ZMAT4: variants seen among roughly 807,000 people sequenced by gnomAD.
ZMAT4 encodes zinc finger matrin-type protein 4.
ZMAT4 carries 17 observed loss-of-function variants against 28.7 expected under a neutral mutation model. That is an observed-to-expected ratio of 0.59 (90% CI 0.41 to 0.89). The LOEUF is 0.89. Ranked by LOEUF, ZMAT4 falls within the 40% of genes least tolerant of loss-of-function variation. The pLI is 0.00. For missense variants in ZMAT4, 240 were observed against 283.8 expected, an observed-to-expected ratio of 0.85 and a Z score of 1.11; for synonymous variants, 117 against 109.2, an observed-to-expected ratio of 1.07 and a Z score of -0.44.
chr8:40,726,982 C>T (rs1249785320), intron 3 of ZMAT4, among the ~76,000 whole-genome samples: 2 of 152,158 alleles, frequency 1.3e-5, no homozygotes, highest in Non-Finnish European at 2.9e-5. Flanking sequence ...TAAAACCACC[C>T]TAAGTCATCG....
At chr8:40,869,490 T>A (rs1479303676) in intron 1 of ZMAT4, among the ~76,000 whole-genome samples, 10 of 152,228 alleles carry the variant, frequency 6.6e-5, no homozygotes, top group Admixed American at 6.5e-4. Context: ...CTAACACATG[T>A]AATTTCTCTC....
At chr8:40,889,256 A>G (rs1027016937) in intron 1 of ZMAT4, among the ~76,000 whole-genome samples, 4 of 152,256 alleles carry the variant, frequency 2.6e-5, no homozygotes, top group Non-Finnish European at 5.9e-5. Flanking sequence ...TGGCTGCAGC[A>G]GAGGTCCAGC....
intron 2 of ZMAT4, among the ~76,000 whole-genome samples, chr8:40,797,742 A>C (rs193247238): frequency 6.6e-6 from 1 of 152,296 alleles, no homozygotes; most frequent in Admixed American, 6.5e-5. Flanking sequence ...AGTAAATGGA[A>C]ATGTTGCCAC....
At chr8:40,598,747 A>G (rs1805190991) in intron 5 of ZMAT4, among the ~76,000 whole-genome samples, 2 of 152,220 alleles carry the variant, frequency 1.3e-5, no homozygotes, top group Admixed American at 1.3e-4. Flanking sequence ...GCATAAGAAA[A>G]TAAATAAAAT....
At chr8:40,683,294 T>C (rs1364853523) in intron 4 of ZMAT4, among the ~76,000 whole-genome samples, 1 of 152,178 alleles carries the variant, frequency 6.6e-6, no homozygotes, top group Non-Finnish European at 1.5e-5. Context: ...ATCAGTTATT[T>C]CCCTGTAGTA....
intron 2 of ZMAT4, among the ~76,000 whole-genome samples, chr8:40,803,726 G>A (rs1427803621): frequency 6.6e-6 from 1 of 152,054 alleles, no homozygotes; most frequent in Admixed American, 6.6e-5. Flanking sequence ...CACACTCGTT[G>A]GTATATAGCC....
intron 1 of ZMAT4, among the ~76,000 whole-genome samples, chr8:40,844,470 T>A (rs1816809630): frequency 6.6e-6 from 1 of 152,172 alleles, no homozygotes; most frequent in Non-Finnish European, 1.5e-5. Flanking sequence ...AGATTGTCAG[T>A]CCTTCAGATT....
intron 5 of ZMAT4, among the ~76,000 whole-genome samples, chr8:40,610,920 C>T (rs1415999152): frequency 7.6e-6 from 1 of 131,654 alleles, no homozygotes. Flanking sequence ...ACTTAAAAAC[C>T]AGATTTGCCC....
intron 5 of ZMAT4, among the ~76,000 whole-genome samples, chr8:40,599,408 T>C (rs1342588996): frequency 6.6e-6 from 1 of 152,164 alleles, no homozygotes; most frequent in African/African-American, 2.4e-5. Flanking sequence ...TATATATGTG[T>C]GTGTGTGTGT....
At position 40,833,540 on chromosome 8, in the gene ZMAT4, C is replaced by CAAAAAAAAAAAAAAAAAAA. The variant is rs57458575; in HGVS notation, c.-4-7861_-4-7860insTTTTTTTTTTTTTTTTTTT. Among the ~76,000 whole-genome samples, 105 of 87,026 alleles carry CAAAAAAAAAAAAAAAAAAA rather than the reference C, an allele frequency of 1.2e-3. 1 individual carries two copies. Among genetic ancestry groups the CAAAAAAAAAAAAAAAAAAA allele is most frequent in the Non-Finnish European group, 1.9e-3 (80 of 42,146 alleles). The allele number at this position is 87,026 out of a possible 152,430, so 57.1% of individuals were successfully genotyped here. A position where few individuals can be genotyped will look rare whatever the true frequency, so the allele number is the denominator to read the frequency against. ...CCGAGATCATACCACTACACTCCAG[C>CAAAAAAAAAAAAAAAAAAA]AAAAAAAAAAAAAAAAAAGACATGA... On this transcript the variant is annotated intron_variant, in intron 1 of 6. Transcript: ENST00000297737.
At chr8:40,789,359 T>C (rs920281464) in intron 2 of ZMAT4, among the ~76,000 whole-genome samples, 2 of 152,132 alleles carry the variant, frequency 1.3e-5, no homozygotes, top group African/African-American at 2.4e-5. Flanking sequence ...CCTTTCTATA[T>C]GCAATATTGT....
intron 5 of ZMAT4, among the ~76,000 whole-genome samples, chr8:40,591,201 A>G (rs1369851049): frequency 6.6e-6 from 1 of 152,158 alleles, no homozygotes; most frequent in Non-Finnish European, 1.5e-5. Context: ...AACCGCAGGG[A>G]TGGTCAGATC....
intron 5 of ZMAT4, among the ~76,000 whole-genome samples, chr8:40,590,408 A>G (rs1804850054): frequency 6.6e-6 from 1 of 151,760 alleles, no homozygotes; most frequent in African/African-American, 2.4e-5. Context: ...GCATAAGTGT[A>G]TTCTCATCTC....
At position 40,697,411 on chromosome 8, in the gene ZMAT4, GAGAA is replaced by G; in HGVS notation, c.193-14_193-11del. 2.6e-6 allele frequency: 4 copies of G among 1,554,858 alleles called. No homozygotes were observed. Among genetic ancestry groups the G allele is most frequent in the Non-Finnish European group, 3.5e-6 (4 of 1,146,498 alleles). ...TGTCGGCATCACTTCCCTGCGCAGG[GAGAA>G]AGAAAGGCCACGTGTGAGAGAAACC... On this transcript the variant is annotated splice_polypyrimidine_tract_variant and intron_variant, in intron 3 of 6. Coordinates refer to ENST00000297737, the MANE Select transcript of ZMAT4 (RefSeq NM_024645.3).
At chr8:40,687,481 T>C (rs751502835) in intron 4 of ZMAT4, among the ~76,000 whole-genome samples, 3 of 152,114 alleles carry the variant, frequency 2.0e-5, no homozygotes, top group African/African-American at 7.2e-5. Flanking sequence ...TAGAATCTTA[T>C]TGGAAACAGA....
chr8:40,847,778 A>T (rs1485836138), intron 1 of ZMAT4, among the ~76,000 whole-genome samples: 2 of 152,062 alleles, frequency 1.3e-5, no homozygotes, highest in Admixed American at 6.5e-5. Flanking sequence ...CTTCCCTGGC[A>T]TCCCCTCTCT....
chr8:40,844,528 G>A (rs1816812414), intron 1 of ZMAT4, among the ~76,000 whole-genome samples: 1 of 152,136 alleles, frequency 6.6e-6, no homozygotes, highest in African/African-American at 2.4e-5. Context: ...GCTTGCAAAT[G>A]TCAGAATGCA....
chr8:40,625,565 G>T (rs923838932), intron 5 of ZMAT4, among the ~76,000 whole-genome samples: 1 of 152,044 alleles, frequency 6.6e-6, no homozygotes, highest in Non-Finnish European at 1.5e-5. Flanking sequence ...TAGAGGGAAA[G>T]AAAGGAACTG....
At chr8:40,873,805 C>T (rs1817945492) in intron 1 of ZMAT4, among the ~76,000 whole-genome samples, 1 of 152,190 alleles carries the variant, frequency 6.6e-6, no homozygotes, top group African/African-American at 2.4e-5. Context: ...CCGTCCTCCT[C>T]ACTATTTTTA....
Sources: gnomAD v4.1 joint callset for allele counts (sites outside exome capture counted in the v4.1 genomes callset) on GRCh38, gnomAD v4.1.1 for gene constraint, MANE v1.5 for transcripts, NCBI Gene and HGNC (gene_info 2026-07-23, HGNC 2026-07-21) for gene names.